TRAP1: variants seen among roughly 807,000 people sequenced by gnomAD.
TRAP1 encodes the protein heat shock protein 75 kDa, mitochondrial.
In TRAP1, 102 loss-of-function variants were observed where a neutral mutation model predicts 89.1. The ratio of observed to expected loss-of-function variants is 1.15; its 90% CI spans 0.98 to 1.35. The LOEUF is 1.35. TRAP1 is among the 40% of genes most tolerant of loss of function. The pLI, the probability that TRAP1 is intolerant of heterozygous loss-of-function variation, is 0.00. For synonymous variants in TRAP1, 508 were observed against 388.0 expected, an observed-to-expected ratio of 1.31 and a Z score of -3.64; for missense variants, 1,256 against 945.3, an observed-to-expected ratio of 1.33 and a Z score of -4.31.
chr16:3,709,220 T>TC (rs1218285864), intron 1 of TRAP1, among the ~76,000 whole-genome samples: 1 of 83,032 alleles, frequency 1.2e-5, no homozygotes, highest in African/African-American at 6.2e-5. Flanking sequence ...AGTGCAAAAC[T>TC]CCATCTCAAA....
At position 3,717,502 on chromosome 16, in the gene TRAP1, G is replaced by A. The variant is rs2051614217; in HGVS notation, c.7C>T (p.Arg3Cys). The A allele has an allele frequency of 2.2e-6, 3 of 1,350,866 alleles. No individual in the cohort carries two copies. Among genetic ancestry groups the A allele is most frequent in the African/African-American group, 1.5e-5 (1 of 65,022 alleles). 83.7% of individuals were successfully genotyped at this position (1,350,866 alleles called of 1,614,324 possible). ...CACAGCAGCAGCGCCCGCAGCTCGCGCGCCATGTCGTACTCCCAGAGCGCC... is the reference window on the plus strand; with the variant it reads ...CACAGCAGCAGCGCCCGCAGCTCGCACGCCATGTCGTACTCCCAGAGCGCC... MA[R>C]ELRALLLWGR... The change falls in exon 1 of 18, where the codon CGC becomes TGC. Residue 3 changes from arginine (R) to cysteine (C), a missense_variant. Arg to Cys is a radical substitution (Grantham distance 180, BLOSUM62 -3). Coordinates refer to ENST00000246957, the MANE Select transcript of TRAP1 (RefSeq NM_016292.3).
At chr16:3,660,551 A>G (rs1012712093) in intron 16 of TRAP1, 1 of 152,178 alleles carries the variant, frequency 6.6e-6, no homozygotes, top group Non-Finnish European at 1.5e-5. Context: ...AAAACTAGTT[A>G]AAGTGACCTG....
intron 11 of TRAP1, 29 bp downstream of exon 11, chr16:3,671,693 G>A: frequency 6.2e-7 from 1 of 1,608,782 alleles, no homozygotes; most frequent in Non-Finnish European, 8.5e-7. Context: ...GTCCCCAGCA[G>A]GGTCCTCTCC....
At chr16:3,695,644 G>C in intron 1 of TRAP1, among the ~76,000 whole-genome samples, 1 of 152,148 alleles carries the variant, frequency 6.6e-6, no homozygotes, top group East Asian at 1.9e-4. Flanking sequence ...ATGCAGAGCT[G>C]TGACGATGAC....
intron 1 of TRAP1, among the ~76,000 whole-genome samples, chr16:3,696,055 C>T (rs1452194676): frequency 1.3e-5 from 2 of 152,188 alleles, no homozygotes; most frequent in East Asian, 1.9e-4. Context: ...GGCCCAGGCG[C>T]GATGACCCCC....
At chr16:3,658,770 T>C in intron 17 of TRAP1, 23 bp downstream of exon 17, 5 of 1,608,930 alleles carry the variant, frequency 3.1e-6, no homozygotes, top group Non-Finnish European at 3.4e-6. Flanking sequence ...GTCCCTGCAG[T>C]CATCCTAAGC....
At chr16:3,717,396 G>T in intron 1 of TRAP1, 25 bp downstream of exon 1, 1 of 1,022,904 alleles carries the variant, frequency 9.8e-7, no homozygotes, top group Non-Finnish European at 1.3e-6. Context: ...CCCGCCCGCT[G>T]CCCGTCCAGC....
At chr16:3,686,838 G>A (rs913638518) in intron 3 of TRAP1, among the ~76,000 whole-genome samples, 2 of 152,096 alleles carry the variant, frequency 1.3e-5, no homozygotes, top group African/African-American at 2.4e-5. Flanking sequence ...GGGCGTGATG[G>A]AACACACCTG....
intron 1 of TRAP1, among the ~76,000 whole-genome samples, chr16:3,714,216 C>T (rs577201152): frequency 6.6e-6 from 1 of 152,320 alleles, no homozygotes; most frequent in East Asian, 1.9e-4. Context: ...GTACACTGCT[C>T]AGCAGCCACC....
intron 1 of TRAP1, among the ~76,000 whole-genome samples, chr16:3,692,397 A>T (rs1223938116): frequency 6.6e-6 from 1 of 151,758 alleles, no homozygotes; most frequent in Non-Finnish European, 1.5e-5. Context: ...TTAGCCGGGC[A>T]TGGTGGCAGG....
At chr16:3,691,985 CTT>C (rs1334934407) in intron 1 of TRAP1, among the ~76,000 whole-genome samples, 6 of 152,158 alleles carry the variant, frequency 3.9e-5, no homozygotes, top group African/African-American at 1.4e-4. Flanking sequence ...AAACCAGACA[CTT>C]TCACTCCAAC....
chr16:3,662,140 C>G lies in TRAP1; in HGVS notation c.1795-8G>C. Reference sequence around the variant, plus strand: ...GTCCAGTCGGAGGGTCACCTGTGAGCAAAGCCCGGGGTTGAGGGTGATAGA... The same window carrying G: ...GTCCAGTCGGAGGGTCACCTGTGAGGAAAGCCCGGGGTTGAGGGTGATAGA... On this transcript the variant is annotated splice_polypyrimidine_tract_variant and splice_region_variant and intron_variant, in intron 15 of 17. Coordinates refer to ENST00000246957, the MANE Select transcript of TRAP1 (RefSeq NM_016292.3). 6.2e-7 allele frequency: 1 copy of G among 1,609,414 alleles called. No individual in the cohort carries two copies. Among genetic ancestry groups the G allele is most frequent in the Non-Finnish European group, 8.5e-7 (1 of 1,177,652 alleles).
intron 3 of TRAP1, 25 bp from the exon 4 acceptor site, chr16:3,686,161 C>T: frequency 6.2e-7 from 1 of 1,611,774 alleles, no homozygotes; most frequent in Admixed American, 1.7e-5. Flanking sequence ...ATGGGAGGCA[C>T]AGACAATGAA....
At chr16:3,713,998 C>G (rs910576095) in intron 1 of TRAP1, among the ~76,000 whole-genome samples, 1 of 152,250 alleles carries the variant, frequency 6.6e-6, no homozygotes, top group Non-Finnish European at 1.5e-5. Context: ...CCTGCACACT[C>G]CCGCAAGTCT....
chr16:3,666,263 T>A (rs1567226149), intron 11 of TRAP1, 145 bp from the exon 12 acceptor site: 1 of 1,096,208 alleles, frequency 9.1e-7, no homozygotes, highest in Non-Finnish European at 1.3e-6. Context: ...TGAAAAAGAC[T>A]GAGCAGAAAG....
At chr16:3,708,142 G>C (rs1265540296) in intron 1 of TRAP1, among the ~76,000 whole-genome samples, 1 of 151,996 alleles carries the variant, frequency 6.6e-6, no homozygotes, top group Non-Finnish European at 1.5e-5. Context: ...GGCCTGCAGC[G>C]AGCCAGGATC....
Position 3,674,065 on chromosome 16 carries a change from A to G in TRAP1, c.1044+274T>C, listed in dbSNP as rs546923148. ...TGAGACAGAGGAAACCTCTGTGGTT[A>G]CCCACCCAGAGGCATCTGTTCTTTT... On this transcript the variant is annotated intron_variant, in intron 9 of 17. Coordinates refer to ENST00000246957, the MANE Select transcript of TRAP1 (RefSeq NM_016292.3). 3.9e-5 allele frequency among the ~76,000 whole-genome samples: 6 copies of G among 152,100 alleles called. 1 individual carries two copies. The East Asian group carries it at 1.2e-3, about 29-fold the overall frequency.
chr16:3,699,098 T>C (rs116252659), intron 1 of TRAP1, among the ~76,000 whole-genome samples: 11 of 152,116 alleles, frequency 7.2e-5, no homozygotes, highest in African/African-American at 2.4e-4. Flanking sequence ...CACTGATAGT[T>C]TGAATGTGAC....
At chr16:3,669,570 C>A (rs2050882636) in intron 11 of TRAP1, among the ~76,000 whole-genome samples, 1 of 152,080 alleles carries the variant, frequency 6.6e-6, no homozygotes, top group Non-Finnish European at 1.5e-5. Context: ...CGCGGTGGCT[C>A]ACACCTGTAA....
Sources: gnomAD v4.1 joint callset for allele counts (sites outside exome capture counted in the v4.1 genomes callset) on GRCh38, gnomAD v4.1.1 for gene constraint, MANE v1.5 for transcripts, NCBI Gene and HGNC (gene_info 2026-07-23, HGNC 2026-07-21) for gene names.